ZFAND3: variants seen among roughly 807,000 people sequenced by gnomAD.
The protein encoded by ZFAND3 is AN1-type zinc finger protein 3.
A neutral mutation model predicts 29.6 loss-of-function variants in ZFAND3; 10 were observed. That is an observed-to-expected ratio of 0.34 (90% CI 0.21 to 0.57). The LOEUF is 0.57. Among genes scored for constraint, ZFAND3 ranks in the 20% least tolerant of loss-of-function variants. The probability of loss-of-function intolerance (pLI) is 0.86; values close to 1 mark genes in which losing one functional copy is unlikely to be tolerated. For synonymous variants in ZFAND3, 128 were observed against 112.6 expected (o/e 1.14, Z -0.87); for missense variants, 230 against 304.5 (o/e 0.76, Z 1.82).
chr6:38,125,503 A>G lies in ZFAND3; in HGVS notation c.529+8764A>G, dbSNP rs911892660. ...GCTCTTCTTACAAGACCGAATGTGC[A>G]GGGCACATCCGCTGCAGCCTGTGTC... On this transcript the variant is annotated intron_variant, in intron 5 of 5. Transcript: ENST00000287218. Among the ~76,000 whole-genome samples, 12 of 152,200 alleles carry G rather than the reference A, an allele frequency of 7.9e-5. 1 individual carries two copies.
intron 1 of ZFAND3, among the ~76,000 whole-genome samples, chr6:37,885,495 T>C (rs1764973491): frequency 6.6e-6 from 1 of 151,796 alleles, no homozygotes; most frequent in South Asian, 2.1e-4. Context: ...AATACAAAAA[T>C]TAGCCAGGTG....
chr6:37,836,771 T>C (rs528830076), intron 1 of ZFAND3, among the ~76,000 whole-genome samples: 1 of 152,272 alleles, frequency 6.6e-6, no homozygotes, highest in African/African-American at 2.4e-5. Context: ...TCCAATAATA[T>C]ATATGTTTTT....
intron 2 of ZFAND3, among the ~76,000 whole-genome samples, chr6:37,960,568 A>G (rs1762176923): frequency 6.6e-6 from 1 of 152,202 alleles, no homozygotes; most frequent in South Asian, 2.1e-4. Flanking sequence ...TGTTCAAACA[A>G]CTACCTTAGA....
intron 1 of ZFAND3, among the ~76,000 whole-genome samples, chr6:37,834,533 A>C (rs1416310734): frequency 1.3e-5 from 2 of 152,158 alleles, no homozygotes; most frequent in Non-Finnish European, 2.9e-5. Flanking sequence ...CAACTGCTGG[A>C]TCATATGATA....
chr6:37,834,795 A>G (rs1763935361), intron 1 of ZFAND3, among the ~76,000 whole-genome samples: 1 of 151,692 alleles, frequency 6.6e-6, no homozygotes, highest in African/African-American at 2.4e-5. Flanking sequence ...ATGCATATAT[A>G]ATGATATATG....
chr6:37,826,451 G>T (rs1763762419), intron 1 of ZFAND3, among the ~76,000 whole-genome samples: 1 of 152,110 alleles, frequency 6.6e-6, no homozygotes, highest in African/African-American at 2.4e-5. Context: ...GGAGGTTAAG[G>T]AACTTTATTT....
At chr6:38,125,131 T>C (rs550738465) in intron 5 of ZFAND3, among the ~76,000 whole-genome samples, 78 of 152,344 alleles carry the variant, frequency 5.1e-4, no homozygotes, top group Non-Finnish European at 6.5e-4. Context: ...AGGCAAATTC[T>C]GAGAAAATTT....
chr6:37,906,909 G>C (rs1467142462), intron 1 of ZFAND3, among the ~76,000 whole-genome samples: 1 of 151,952 alleles, frequency 6.6e-6, no homozygotes, highest in African/African-American at 2.4e-5. Flanking sequence ...TTTTGATTAT[G>C]AAATTAATTT....
intron 2 of ZFAND3, among the ~76,000 whole-genome samples, chr6:37,967,857 C>T (rs904927404): frequency 6.6e-6 from 1 of 152,288 alleles, no homozygotes; most frequent in Non-Finnish European, 1.5e-5. Context: ...CCAGACACTT[C>T]CCCTTTTTTG....
At chr6:38,021,586 C>T (rs537976763) in intron 2 of ZFAND3, among the ~76,000 whole-genome samples, 4 of 152,306 alleles carry the variant, frequency 2.6e-5, no homozygotes, top group East Asian at 3.9e-4. Flanking sequence ...ACGAAATTTT[C>T]TTCCTCTTTT....
intron 1 of ZFAND3, among the ~76,000 whole-genome samples, chr6:37,871,578 T>C (rs1414968142): frequency 6.6e-6 from 1 of 152,212 alleles, no homozygotes; most frequent in South Asian, 2.1e-4. Context: ...GATAGTATTG[T>C]ATCAACATTA....
intron 1 of ZFAND3, among the ~76,000 whole-genome samples, chr6:37,857,868 G>A (rs1329815267): frequency 1.3e-5 from 2 of 152,232 alleles, no homozygotes; most frequent in Non-Finnish European, 2.9e-5. Flanking sequence ...AACTTGGTCA[G>A]TTGTATCAGA....
intron 2 of ZFAND3, among the ~76,000 whole-genome samples, chr6:37,932,881 A>C (rs573921228): frequency 1.3e-5 from 2 of 152,178 alleles, no homozygotes; most frequent in Non-Finnish European, 2.9e-5. Flanking sequence ...GCTTCTCTCT[A>C]TATTTTTTAC....
intron 1 of ZFAND3, among the ~76,000 whole-genome samples, chr6:37,864,771 ATG>A (rs1561915243): frequency 3.8e-5 from 5 of 131,876 alleles, no homozygotes; most frequent in South Asian, 2.4e-4. Flanking sequence ...ACACACACAC[ATG>A]CACACATACA....
intron 3 of ZFAND3, among the ~76,000 whole-genome samples, chr6:38,068,942 C>T (rs1011909376): frequency 2.0e-5 from 3 of 152,122 alleles, no homozygotes; most frequent in East Asian, 3.9e-4. Context: ...ATCGTAGCTC[C>T]CTCAGGGATA....
intron 1 of ZFAND3, among the ~76,000 whole-genome samples, chr6:37,864,322 T>C (rs919610941): frequency 1.3e-5 from 2 of 151,650 alleles, no homozygotes; most frequent in Non-Finnish European, 2.9e-5. Context: ...TGCTTTTGAT[T>C]TAAGTAAAAA....
intron 1 of ZFAND3, among the ~76,000 whole-genome samples, chr6:37,885,689 AG>A (rs780166430): frequency 6.6e-6 from 1 of 152,180 alleles, no homozygotes; most frequent in Non-Finnish European, 1.5e-5. Flanking sequence ...ACAGTTCTGA[AG>A]AATTTCAACC....
intron 2 of ZFAND3, among the ~76,000 whole-genome samples, chr6:38,043,167 C>A (rs1763824401): frequency 1.3e-5 from 2 of 151,962 alleles, no homozygotes; most frequent in Admixed American, 1.3e-4. Context: ...CTGATATTTC[C>A]TTTTCTGTTG....
chr6:37,869,983 ACTTT>A (rs771184592), intron 1 of ZFAND3, among the ~76,000 whole-genome samples: 1 of 151,946 alleles, frequency 6.6e-6, no homozygotes, highest in South Asian at 2.1e-4. Flanking sequence ...AGATTTTATA[ACTTT>A]CTTCTTTTCA....
Sources: gnomAD v4.1 joint callset for allele counts (sites outside exome capture counted in the v4.1 genomes callset) on GRCh38, gnomAD v4.1.1 for gene constraint, MANE v1.5 for transcripts, NCBI Gene and HGNC (gene_info 2026-07-23, HGNC 2026-07-21) for gene names.